Variants in CSMD2 observed in about 807,000 individuals in gnomAD.
The protein encoded by CSMD2 is CUB and Sushi multiple domains 2.
A neutral mutation model predicts 398.5 loss-of-function variants in CSMD2; 130 were observed. That is an observed-to-expected ratio of 0.33 (90% confidence interval 0.28 to 0.38). CSMD2 has a LOEUF of 0.38. Among genes scored for constraint, CSMD2 ranks in the 10% least tolerant of loss-of-function variants. The pLI, the probability that CSMD2 is intolerant of heterozygous loss-of-function variation, is 1.00. For synonymous variants in CSMD2, 1,828 were observed against 1,908.5 expected, an observed-to-expected ratio of 0.96 and a Z score of 1.10; for missense variants, 3,829 against 4,764.9, an observed-to-expected ratio of 0.80 and a Z score of 5.78.
chr1:33,597,472 A>G (rs945346815), intron 44 of CSMD2, among the ~76,000 whole-genome samples: 3 of 152,244 alleles, frequency 2.0e-5, no homozygotes, highest in Non-Finnish European at 4.4e-5. Context: ...GGGAGCAGAC[A>G]TTTCACAGAG....
intron 3 of CSMD2, among the ~76,000 whole-genome samples, chr1:34,004,703 T>C (rs1033732766): frequency 1.3e-5 from 2 of 152,100 alleles, no homozygotes; most frequent in East Asian, 1.9e-4. Context: ...ATCTTGCAAT[T>C]GAGAATATAT....
chr1:33,548,869 C>T (rs931800507), intron 56 of CSMD2, among the ~76,000 whole-genome samples: 3 of 152,216 alleles, frequency 2.0e-5, no homozygotes, highest in Non-Finnish European at 4.4e-5. Flanking sequence ...GATGTCCAAA[C>T]AGAAAGAAGC....
chr1:33,668,897 C>T (rs1039822978), intron 25 of CSMD2, among the ~76,000 whole-genome samples: 3 of 152,168 alleles, frequency 2.0e-5, no homozygotes, highest in African/African-American at 7.2e-5. Flanking sequence ...AGGAAACTTA[C>T]TGAAGGAGAC....
intron 26 of CSMD2, among the ~76,000 whole-genome samples, chr1:33,658,415 T>C (rs1408456667): frequency 1.3e-5 from 2 of 152,356 alleles, no homozygotes; most frequent in African/African-American, 4.8e-5. Context: ...CTGCCTGTCA[T>C]GAGATGCTAT....
intron 47 of CSMD2, 128 bp from the exon 48 acceptor site, chr1:33,581,027 C>T: frequency 2.4e-6 from 2 of 822,260 alleles, no homozygotes; most frequent in South Asian, 1.8e-5. Context: ...ACTTGCACTC[C>T]TCTCTCTGCA....
intron 48 of CSMD2, 83 bp from the exon 49 acceptor site, chr1:33,577,567 T>C (rs976865190): frequency 1.7e-6 from 2 of 1,161,510 alleles, no homozygotes; most frequent in African/African-American, 7.4e-5. Flanking sequence ...TTCCCTTTCG[T>C]CTCCCCCCCA....
At chr1:33,669,554 CCTT>C (rs1644423847) in intron 25 of CSMD2, among the ~76,000 whole-genome samples, 1 of 152,218 alleles carries the variant, frequency 6.6e-6, no homozygotes, top group African/African-American at 2.4e-5. Flanking sequence ...TTACTGATTT[CCTT>C]CTTATTCTCT....
chr1:33,808,928 T>C (rs1656538404), intron 10 of CSMD2, among the ~76,000 whole-genome samples: 1 of 151,658 alleles, frequency 6.6e-6, no homozygotes, highest in African/African-American at 2.4e-5. Context: ...AGAGATAGTA[T>C]GTATAACTTT....
At chr1:34,152,454 C>T (rs1459795085) in intron 1 of CSMD2, among the ~76,000 whole-genome samples, 2 of 152,300 alleles carry the variant, frequency 1.3e-5, no homozygotes, top group African/African-American at 4.8e-5. Flanking sequence ...GCCAGCCAGC[C>T]ATCCCCCTTC....
intron 24 of CSMD2, 56 bp downstream of exon 24, chr1:33,698,697 A>C: frequency 6.8e-5 from 102 of 1,500,934 alleles, no homozygotes; most frequent in Non-Finnish European, 8.4e-5. Flanking sequence ...GACCAGGACT[A>C]GAGCTTGGTA....
chr1:34,094,301 A>C (rs1028161874), intron 1 of CSMD2, among the ~76,000 whole-genome samples: 1 of 152,202 alleles, frequency 6.6e-6, no homozygotes, highest in African/African-American at 2.4e-5. Flanking sequence ...CCACTGCAAA[A>C]TCATGCCAAA....
At chr1:34,145,007 T>C (rs1176019223) in intron 1 of CSMD2, among the ~76,000 whole-genome samples, 1 of 152,230 alleles carries the variant, frequency 6.6e-6, no homozygotes, top group African/African-American at 2.4e-5. Flanking sequence ...GCTGTGGCCC[T>C]TGGGGGACAC....
rs934897614 is a variant in CSMD2, at chr1:34,164,288, C to T, written c.187+623G>A. 1.3e-5 allele frequency among the ~76,000 whole-genome samples: 2 copies of T among 152,058 alleles called. No homozygotes were observed. The highest frequency in any genetic ancestry group is 2.4e-5 in the African/African-American group (1 of 41,438). On this transcript the variant is annotated intron_variant, in intron 1 of 70. Transcript: ENST00000373381. This position sits in a 1 kb window ranked among gnomAD's most constrained non-coding sequence, Gnocchi z 6.2. ...TGCAAGGAATGCGCGGGACCCCCAC[C>T]GTGGGCACGCGTCCACCTGAACCCC...
At chr1:34,097,578 CA>C (rs1659474063) in intron 1 of CSMD2, among the ~76,000 whole-genome samples, 1 of 131,720 alleles carries the variant, frequency 7.6e-6, no homozygotes, top group Non-Finnish European at 1.6e-5. Flanking sequence ...AAAAAACAAA[CA>C]ACCCCATCAA....
At chr1:33,692,886 C>A in intron 25 of CSMD2, 44 bp downstream of exon 25, 9 of 1,602,432 alleles carry the variant, frequency 5.6e-6, no homozygotes, top group Non-Finnish European at 7.7e-6. Flanking sequence ...TGATGGCTCC[C>A]CTGAACAACT....
At chr1:34,140,882 G>GCTGGGCTA (rs1639227654) in intron 1 of CSMD2, among the ~76,000 whole-genome samples, 1 of 152,082 alleles carries the variant, frequency 6.6e-6, no homozygotes, top group African/African-American at 2.4e-5. Flanking sequence ...CCAGAGACCA[G>GCTGGGCTA]GCTCATAATC....
At chr1:33,842,564 T>TA (rs1435402154) in intron 6 of CSMD2, among the ~76,000 whole-genome samples, 2 of 152,094 alleles carry the variant, frequency 1.3e-5, no homozygotes, top group Non-Finnish European at 2.9e-5. Context: ...ACTTTTTCTG[T>TA]AAAGGGCCTG....
In CSMD2 at chr1:33,636,223, G is replaced by T; in HGVS notation, c.4969+137C>A. The T allele has an allele frequency of 1.3e-6, 1 of 769,936 alleles. No homozygotes were observed. The highest frequency in any genetic ancestry group is 2.1e-6 in the Non-Finnish European group (1 of 483,962). The allele number at this position is 769,936 out of a possible 1,614,324, so 47.7% of individuals were successfully genotyped here. A position where few individuals can be genotyped will look rare whatever the true frequency, so the allele number is the denominator to read the frequency against. The stretch of plus-strand genomic sequence containing the variant: ...ATAAGCCACTTCTATACACATCCAC[G>T]GCAAACCCAGGTTTGCCAGGCTTGG... On this transcript the variant is annotated intron_variant, in intron 30 of 70. Coordinates refer to ENST00000373381, the MANE Select transcript of CSMD2 (RefSeq NM_001281956.2). The surrounding 1 kb of genome is among the most constrained non-coding windows in gnomAD (Gnocchi z 4.8).
chr1:33,607,409 T>A (rs1016583842), intron 41 of CSMD2, among the ~76,000 whole-genome samples: 13 of 152,166 alleles, frequency 8.5e-5, no homozygotes, highest in Admixed American at 5.2e-4. Context: ...ACAGCCTCAG[T>A]GGGGACAAAT....
Sources: gnomAD v4.1 joint callset for allele counts (sites outside exome capture counted in the v4.1 genomes callset) on GRCh38, gnomAD v4.1.1 for gene constraint, Gnocchi (gnomAD v3.1) non-coding constraint, MANE v1.5 for transcripts, NCBI Gene and HGNC (gene_info 2026-07-23, HGNC 2026-07-21) for gene names.